PREP: variants seen among roughly 807,000 people sequenced by gnomAD.
The protein encoded by PREP is prolyl endopeptidase, also known as dJ355L5.1 (prolyl endopeptidase).
In PREP, 29 loss-of-function variants were observed where a neutral mutation model predicts 87.6. The observed-to-expected ratio is 0.33, with a 90% CI of 0.25 to 0.45. The LOEUF (loss-of-function observed/expected upper bound fraction) is 0.45, where lower values mean the gene tolerates loss of function less well. Among genes scored for constraint, PREP ranks in the 20% least tolerant of loss-of-function variants. The probability of loss-of-function intolerance (pLI) is 1.00; values close to 1 mark genes in which losing one functional copy is unlikely to be tolerated. For synonymous variants in PREP, 337 were observed against 328.6 expected (o/e 1.03, Z -0.28); for missense variants, 695 against 886.5 (o/e 0.78, Z 2.74).
intron 7 of PREP, 128 bp from the exon 8 acceptor site, chr6:105,333,633 G>C: frequency 1.0e-6 from 1 of 993,854 alleles, no homozygotes; most frequent in African/African-American, 1.6e-5. Context: ...GGAAGATCTA[G>C]GGCATGAAAA....
intron 7 of PREP, among the ~76,000 whole-genome samples, chr6:105,346,100 G>C (rs185302748): frequency 6.6e-6 from 1 of 152,082 alleles, no homozygotes; most frequent in East Asian, 1.9e-4. Flanking sequence ...TTCCCACTCT[G>C]ACACACAGAT....
At chr6:105,335,733 A>T (rs1269430415) in intron 7 of PREP, among the ~76,000 whole-genome samples, 2 of 152,096 alleles carry the variant, frequency 1.3e-5, no homozygotes, top group Non-Finnish European at 2.9e-5. Context: ...TTACTAAAAA[A>T]TACAAAAAAA....
chr6:105,392,361 A>C (rs1466640830), intron 2 of PREP, among the ~76,000 whole-genome samples: 1 of 151,790 alleles, frequency 6.6e-6, no homozygotes, highest in African/African-American at 2.4e-5. Context: ...AGGGACTGCA[A>C]ACCTCCTTCT....
At chr6:105,350,399 G>A (rs904235645) in intron 7 of PREP, among the ~76,000 whole-genome samples, 1 of 152,042 alleles carries the variant, frequency 6.6e-6, no homozygotes, top group South Asian at 2.1e-4. Context: ...TTATTTAGTG[G>A]CGGAGCTGAG....
chr6:105,339,067 G>A (rs929741916), intron 7 of PREP, among the ~76,000 whole-genome samples: 4 of 152,238 alleles, frequency 2.6e-5, no homozygotes, highest in African/African-American at 9.6e-5. Context: ...TGAGATCTGA[G>A]AACGAACAGA....
rs753717911 is a variant in PREP at position 105,373,554 on chromosome 6, T to A, written c.410A>T (p.Glu137Val). Residue 137 changes from glutamate (E) to valine (V), a missense_variant, in exon 5 of 15, where the codon GAA becomes GTA. Physicochemically the swap from Glu to Val is moderately radical, Grantham distance 121. Around this residue, in one of 5 missense-constraint regions of PREP, gnomAD observed 517 missense variants for 620.3 expected, o/e 0.83. Coordinates refer to ENST00000652536, the MANE Select transcript of PREP (RefSeq NM_002726.5). ...GGCACTCAGACCATAGGCAAAATAT[T>A]CACCATCTTCGCTGAACGCATAACC... is the stretch of plus-strand genomic sequence containing the variant. ...LRGYAFSEDGEYFAYGLSASG... is the reference protein window; with the variant it reads ...LRGYAFSEDGVYFAYGLSASG... The A allele has an allele frequency of 2.4e-5, 38 of 1,614,050 alleles. No homozygotes were observed. Among genetic ancestry groups the A allele is most frequent in the South Asian group, 1.3e-4 (12 of 91,078 alleles).
At chr6:105,282,656 T>C (rs1439188524) in intron 12 of PREP, 74 bp from the exon 13 acceptor site, 3 of 1,525,966 alleles carry the variant, frequency 2.0e-6, no homozygotes, top group African/African-American at 2.8e-5. Flanking sequence ...GGAATTCAAA[T>C]GATAGAGCAC....
At chr6:105,339,806 A>G (rs1004997268) in intron 7 of PREP, among the ~76,000 whole-genome samples, 1 of 152,206 alleles carries the variant, frequency 6.6e-6, no homozygotes, top group Non-Finnish European at 1.5e-5. Flanking sequence ...AGATCAAATG[A>G]ATGAAATGAA....
chr6:105,328,991 A>C lies in PREP; in HGVS notation c.1051T>G (p.Leu351Val), dbSNP rs12192054. The change falls in exon 9 of 15, where the codon TTA becomes GTA. Residue 351 changes from leucine (L) to valine (V), a missense_variant. Coordinates refer to ENST00000652536, the MANE Select transcript of PREP (RefSeq NM_002726.5). ...IACVRSNFLV[L>V]CYLHDVKNIL... ...TTCTTGACGTCATGGAGGTAGCATA[A>C]GACCAAGAAGTTGGACCTGACACAA... The C allele has an allele frequency of 0.14, 221,809 of 1,613,748 alleles. 16,544 individuals carry two copies. Among genetic ancestry groups the C allele is most frequent in the South Asian group, 0.21 (19,338 of 91,060 alleles).
At chr6:105,369,973 C>A (rs758549042) in intron 5 of PREP, among the ~76,000 whole-genome samples, 1 of 152,056 alleles carries the variant, frequency 6.6e-6, no homozygotes, top group Non-Finnish European at 1.5e-5. Context: ...CAGATATGGT[C>A]GGGCGTGGTG....
intron 7 of PREP, among the ~76,000 whole-genome samples, chr6:105,336,784 A>G (rs1176214220): frequency 6.6e-6 from 1 of 152,120 alleles, no homozygotes; most frequent in Admixed American, 6.5e-5. Context: ...CATTTTTGGA[A>G]AGAGTCTGCT....
Position 105,278,537 on chromosome 6 carries a change from C to T in PREP, c.1839-99G>A. 1 of 1,255,460 alleles carries T rather than the reference C, an allele frequency of 8.0e-7. No homozygotes were observed. The highest frequency in any genetic ancestry group is 1.1e-6 in the Non-Finnish European group (1 of 897,934). 77.8% of individuals were successfully genotyped at this position (1,255,460 alleles called of 1,614,324 possible). Reference sequence around the variant, plus strand: ...AATTAGCAGTGAGGACTGCAGTTAACTAGTACGTGAGTGACCACCATGGAC... The same window carrying T: ...AATTAGCAGTGAGGACTGCAGTTAATTAGTACGTGAGTGACCACCATGGAC... On this transcript the variant is annotated intron_variant, in intron 14 of 14. Transcript: ENST00000652536. This position sits in a 1 kb window ranked among gnomAD's most constrained non-coding sequence, Gnocchi z 4.2.
At chr6:105,368,429 G>C (rs1772450843) in intron 6 of PREP, among the ~76,000 whole-genome samples, 1 of 152,074 alleles carries the variant, frequency 6.6e-6, no homozygotes, top group Non-Finnish European at 1.5e-5. Flanking sequence ...ATATTGATGA[G>C]AAAATGTATA....
At chr6:105,281,211 T>A (rs1253205390) in intron 14 of PREP, 1 of 152,456 alleles carries the variant, frequency 6.6e-6, no homozygotes, top group Admixed American at 6.5e-5. Context: ...TTTGTGCGGC[T>A]GTGGGACTTA....
intron 10 of PREP, among the ~76,000 whole-genome samples, chr6:105,305,228 T>C (rs1288451495): frequency 6.6e-6 from 1 of 152,174 alleles, no homozygotes; most frequent in Non-Finnish European, 1.5e-5. Context: ...TAAAAATTTG[T>C]GGCTGGTAAC....
rs767074999 is a variant in PREP at position 105,373,523 on chromosome 6, G to A, written c.441C>T (p.Gly147=). The change falls in exon 5 of 15, where the codon GGC becomes GGT. Residue 147 remains glycine, a synonymous_variant. Coordinates refer to ENST00000652536, the MANE Select transcript of PREP (RefSeq NM_002726.5). ...EYFAYGLSAS[G]SDWVTIKFMK... ...TGAACTTGATTGTCACCCAGTCTGA[G>A]CCACTGGCACTCAGACCATAGGCAA... is the stretch of plus-strand genomic sequence containing the variant. 3.2e-5 allele frequency: 51 copies of A among 1,614,098 alleles called. No individual in the cohort carries two copies. Among genetic ancestry groups the A allele is most frequent in the Non-Finnish European group, 4.2e-5 (49 of 1,180,046 alleles).
chr6:105,367,620 C>T (rs1198196068), intron 6 of PREP, among the ~76,000 whole-genome samples: 1 of 147,714 alleles, frequency 6.8e-6, no homozygotes, highest in African/African-American at 2.5e-5. Context: ...TGCAGTGAGC[C>T]GAGATCCCGC....
chr6:105,401,873 G>A (rs928182278), intron 1 of PREP, among the ~76,000 whole-genome samples: 4 of 152,166 alleles, frequency 2.6e-5, no homozygotes, highest in South Asian at 2.1e-4. Flanking sequence ...AAAGTAAACA[G>A]AAAAACATTA....
intron 6 of PREP, among the ~76,000 whole-genome samples, chr6:105,368,489 A>G (rs1046066320): frequency 6.6e-6 from 1 of 152,174 alleles, no homozygotes; most frequent in Admixed American, 6.5e-5. Flanking sequence ...GCATGAAAAG[A>G]GCACAGTTGT....
Sources: gnomAD v4.1 joint callset for allele counts (sites outside exome capture counted in the v4.1 genomes callset) on GRCh38, gnomAD v4.1.1 for gene constraint, gnomAD v4.1.1 regional missense constraint, Gnocchi (gnomAD v3.1) non-coding constraint, MANE v1.5 for transcripts, NCBI Gene and HGNC (gene_info 2026-07-23, HGNC 2026-07-21) for gene names.